Variants in FGF14 observed in about 807,000 individuals in gnomAD.
FGF14 encodes fibroblast growth factor homologous factor 4.
FGF14 carries 5 observed loss-of-function variants against 25.5 expected under a neutral mutation model. That is an observed-to-expected ratio of 0.20 (90% CI 0.10 to 0.41). The LOEUF is 0.41. Among genes scored for constraint, FGF14 ranks in the 10% least tolerant of loss-of-function variants. The pLI is 1.00. For missense variants in FGF14, 222 were observed against 320.1 expected, an observed-to-expected ratio of 0.69 and a Z score of 2.34; for synonymous variants, 138 against 118.3, an observed-to-expected ratio of 1.17 and a Z score of -1.08.
At chr13:102,078,465 G>A (rs1224412633) in intron 1 of FGF14, among the ~76,000 whole-genome samples, 1 of 152,126 alleles carries the variant, frequency 6.6e-6, no homozygotes. Context: ...CAGTCTAGAG[G>A]AAAGACTGAT....
intron 3 of FGF14, among the ~76,000 whole-genome samples, chr13:101,794,512 G>A (rs187092971): frequency 1.2e-3 from 176 of 152,084 alleles, no homozygotes; most frequent in African/African-American, 4.1e-3. Flanking sequence ...TTTGATACAC[G>A]AACTAATATC....
chr13:102,204,341 AT>A, intron 1 of FGF14, among the ~76,000 whole-genome samples: 1 of 152,206 alleles, frequency 6.6e-6, no homozygotes, highest in East Asian at 1.9e-4. Context: ...CCCATCTCAG[AT>A]ATCTAAGCTA....
chr13:102,382,638 T>C (rs2058210555), intron 1 of FGF14, among the ~76,000 whole-genome samples: 1 of 152,066 alleles, frequency 6.6e-6, no homozygotes, highest in African/African-American at 2.4e-5. Context: ...CCAAAAGAAT[T>C]GAAACATATG....
intron 1 of FGF14, among the ~76,000 whole-genome samples, chr13:102,013,528 T>C (rs927660231): frequency 1.3e-5 from 2 of 152,206 alleles, no homozygotes; most frequent in African/African-American, 4.8e-5. Flanking sequence ...CTGTTTAAGA[T>C]GTTCCCCACT....
intron 3 of FGF14, among the ~76,000 whole-genome samples, chr13:101,756,603 C>G (rs1220642691): frequency 6.6e-6 from 1 of 152,110 alleles, no homozygotes; most frequent in Non-Finnish European, 1.5e-5. Flanking sequence ...TGCGGTGGCA[C>G]ATGCCTGTAA....
chr13:101,923,465 T>C (rs1272689370), intron 1 of FGF14, among the ~76,000 whole-genome samples: 1 of 152,132 alleles, frequency 6.6e-6, no homozygotes, highest in Non-Finnish European at 1.5e-5. Flanking sequence ...TTTCATTTTT[T>C]ACTCATTTGG....
rs145896254 is a variant in FGF14, at chr13:102,042,185, G to A, written c.209-166889C>T. 2.0e-4 allele frequency among the ~76,000 whole-genome samples: 30 copies of A among 152,282 alleles called. 1 individual carries two copies. The East Asian group carries it at 5.6e-3, about 28-fold the overall frequency. On this transcript the variant is annotated intron_variant, in intron 1 of 4. Transcript: ENST00000376131. ...GAACTCCTATGTGGCATAAAACATGGTAATGAGGCAGTCTGCATCTGCATG... is the reference window on the plus strand; with the variant it reads ...GAACTCCTATGTGGCATAAAACATGATAATGAGGCAGTCTGCATCTGCATG...
chr13:102,381,285 T>C (rs1346896077), intron 1 of FGF14, among the ~76,000 whole-genome samples: 3 of 152,202 alleles, frequency 2.0e-5, no homozygotes, highest in African/African-American at 7.2e-5. Context: ...GTGGTCTAAA[T>C]GTCTGCGTTC....
intron 4 of FGF14, 153 bp from the exon 5 acceptor site, chr13:101,723,120 G>A (rs1340736211): frequency 2.2e-6 from 2 of 889,362 alleles, no homozygotes; most frequent in African/African-American, 1.6e-5. Context: ...CTGTTGTAAA[G>A]CAATCATTTC....
chr13:101,936,321 T>C (rs1181097941), intron 1 of FGF14, among the ~76,000 whole-genome samples: 1 of 152,188 alleles, frequency 6.6e-6, no homozygotes, highest in Non-Finnish European at 1.5e-5. Context: ...TGAGAAGCGC[T>C]GAGTTTTGAG....
chr13:102,243,440 G>A (rs2051702009), intron 1 of FGF14, among the ~76,000 whole-genome samples: 1 of 152,010 alleles, frequency 6.6e-6, no homozygotes, highest in African/African-American at 2.4e-5. Context: ...CAAGTCACTG[G>A]TGATAAATAT....
chr13:101,860,628 G>C (rs2044366887), intron 3 of FGF14, among the ~76,000 whole-genome samples: 1 of 152,080 alleles, frequency 6.6e-6, no homozygotes, highest in Non-Finnish European at 1.5e-5. Context: ...CCAGGCTGGA[G>C]TGCAGTGGTG....
intron 3 of FGF14, among the ~76,000 whole-genome samples, chr13:101,800,978 G>A (rs1010438052): frequency 1.3e-5 from 2 of 152,152 alleles, no homozygotes; most frequent in Non-Finnish European, 1.5e-5. Flanking sequence ...TTTAGAAAAC[G>A]TGAGATAATG....
intron 1 of FGF14, among the ~76,000 whole-genome samples, chr13:102,000,077 A>G (rs2039400382): frequency 2.0e-5 from 3 of 152,190 alleles, no homozygotes; most frequent in Admixed American, 2.0e-4. Flanking sequence ...GCACTTTGGG[A>G]GGCCGAGGCG....
intron 1 of FGF14, among the ~76,000 whole-genome samples, chr13:102,073,316 T>G (rs545676846): frequency 6.6e-6 from 1 of 152,306 alleles, no homozygotes; most frequent in East Asian, 1.9e-4. Flanking sequence ...CAGCACATTG[T>G]TGCAGTGGTT....
intron 1 of FGF14, among the ~76,000 whole-genome samples, chr13:101,904,861 A>G (rs1175169937): frequency 6.6e-6 from 1 of 152,246 alleles, no homozygotes; most frequent in East Asian, 1.9e-4. Context: ...ACCTTTGCTC[A>G]TGAGTGCCAT....
chr13:102,294,414 CAAA>C (rs56656066), intron 1 of FGF14, among the ~76,000 whole-genome samples: 2 of 123,024 alleles, frequency 1.6e-5, no homozygotes, highest in African/African-American at 3.0e-5. Flanking sequence ...CTGTTTGGTC[CAAA>C]AAAAAAAAAC....
intron 1 of FGF14, among the ~76,000 whole-genome samples, chr13:102,145,999 A>G (rs2046838677): frequency 6.6e-6 from 1 of 152,216 alleles, no homozygotes. Context: ...ATCAGAGAAG[A>G]GCAGATCCAA....
chr13:101,970,108 C>A (rs2037502142), intron 1 of FGF14, among the ~76,000 whole-genome samples: 1 of 152,050 alleles, frequency 6.6e-6, no homozygotes, highest in Non-Finnish European at 1.5e-5. Context: ...TCTGGGAGAC[C>A]CCACTTAAAT....
Sources: gnomAD v4.1 joint callset for allele counts (sites outside exome capture counted in the v4.1 genomes callset) on GRCh38, gnomAD v4.1.1 for gene constraint, MANE v1.5 for transcripts, NCBI Gene and HGNC (gene_info 2026-07-23, HGNC 2026-07-21) for gene names.